ZFAND1: variants seen among roughly 807,000 people sequenced by gnomAD.
The protein encoded by ZFAND1 is AN1-type zinc finger protein 1.
A neutral mutation model predicts 38.5 loss-of-function variants in ZFAND1; 40 were observed. The ratio of observed to expected loss-of-function variants is 1.04; its 90% confidence interval spans 0.81 to 1.35. The LOEUF (loss-of-function observed/expected upper bound fraction) is 1.35, where lower values mean the gene tolerates loss of function less well. Ranked by LOEUF, ZFAND1 falls within the 40% of genes most tolerant of loss-of-function variation. ZFAND1 has a pLI of 0.00. For missense variants in ZFAND1, 346 were observed against 316.3 expected (o/e 1.09, Z -0.71); for synonymous variants, 117 against 103.6 (o/e 1.13, Z -0.78).
intron 3 of ZFAND1, 41 bp from the exon 4 acceptor site, chr8:81,715,155 C>T: frequency 6.2e-7 from 1 of 1,603,234 alleles, no homozygotes; most frequent in South Asian, 1.1e-5. Flanking sequence ...CATTTCAGAC[C>T]TAAAACAAAT....
chr8:81,715,791 C>A (rs901638564), intron 3 of ZFAND1, among the ~76,000 whole-genome samples: 1 of 152,046 alleles, frequency 6.6e-6, no homozygotes, highest in Admixed American at 6.5e-5. Context: ...ATAGTTACAC[C>A]TTGTTGGAAT....
At chr8:81,717,660 C>T (rs1422478741) in intron 2 of ZFAND1, among the ~76,000 whole-genome samples, 1 of 152,060 alleles carries the variant, frequency 6.6e-6, no homozygotes, top group Non-Finnish European at 1.5e-5. Flanking sequence ...TTACTTCCAA[C>T]AAATCATTCT....
intron 6 of ZFAND1, among the ~76,000 whole-genome samples, chr8:81,706,869 T>C (rs891412565): frequency 6.6e-6 from 1 of 152,122 alleles, no homozygotes; most frequent in African/African-American, 2.4e-5. Context: ...GGGGAAAATA[T>C]TCTGTTCTCA....
intron 6 of ZFAND1, chr8:81,708,819 A>G: frequency 7.9e-7 from 1 of 1,264,222 alleles, no homozygotes; most frequent in Non-Finnish European, 1.0e-6. Context: ...ACTTCACTCC[A>G]GATTACTCAT....
In ZFAND1 at chr8:81,721,220, G is replaced by A. The variant is rs1436752358; in HGVS notation, c.55+7C>T. 3.2e-6 allele frequency: 5 copies of A among 1,547,850 alleles called. No homozygotes were observed. In the Admixed American group the frequency reaches 7.8e-5, roughly 24 times the overall value. ...CCGGGGATGGGGGCTGGAAGCTCCC[G>A]GATCACCTCGCTGCCGGCAATGCTC... On this transcript the variant is annotated splice_region_variant and intron_variant, in intron 1 of 7. Coordinates refer to ENST00000220669, the MANE Select transcript of ZFAND1 (RefSeq NM_024699.3).
rs527473734 is a variant in ZFAND1 at position 81,719,175 on chromosome 8, A to G, written c.56-951T>C. 4.6e-5 allele frequency among the ~76,000 whole-genome samples: 7 copies of G among 152,244 alleles called. No individual in the cohort carries two copies. In the South Asian group the frequency reaches 1.5e-3, roughly 32 times the overall value. On this transcript the variant is annotated intron_variant, in intron 1 of 7. Coordinates refer to ENST00000220669, the MANE Select transcript of ZFAND1 (RefSeq NM_024699.3). ...CTTTTGAGTATACTCAACTCAGAAC[A>G]GTACTGCAAGGGGCCAGGCACAGTG...
intron 6 of ZFAND1, among the ~76,000 whole-genome samples, chr8:81,712,095 G>A (rs921480708): frequency 4.6e-5 from 7 of 151,876 alleles, no homozygotes; most frequent in Admixed American, 1.3e-4. Context: ...ATGATCTAAC[G>A]ACAGAAAAAC....
chr8:81,703,161 A>G, intron 6 of ZFAND1, 37 bp from the exon 7 acceptor site: 1 of 1,395,166 alleles, frequency 7.2e-7, no homozygotes, highest in Non-Finnish European at 9.6e-7. Context: ...CATTACATAG[A>G]CAAAATAGAC....
At chr8:81,704,112 A>C (rs114203486) in intron 6 of ZFAND1, among the ~76,000 whole-genome samples, 86,193 of 151,550 alleles carry the variant, frequency 0.57, 24,994 homozygotes, top group Admixed American at 0.62. Context: ...AAAAACAAAA[A>C]AAAAAAAAGA....
intron 1 of ZFAND1, among the ~76,000 whole-genome samples, chr8:81,719,467 A>T (rs1167292534): frequency 6.6e-6 from 1 of 152,090 alleles, no homozygotes; most frequent in African/African-American, 2.4e-5. Flanking sequence ...AGATCGCGCC[A>T]CTGCACTCCA....
intron 6 of ZFAND1, among the ~76,000 whole-genome samples, chr8:81,703,724 C>T (rs1807881747): frequency 6.6e-6 from 1 of 152,028 alleles, no homozygotes; most frequent in Admixed American, 6.6e-5. Flanking sequence ...CACTCGGCCT[C>T]TCCTTATTTT....
chr8:81,704,206 A>T (rs1473616489), intron 6 of ZFAND1, among the ~76,000 whole-genome samples: 1 of 152,156 alleles, frequency 6.6e-6, no homozygotes, highest in Non-Finnish European at 1.5e-5. Flanking sequence ...TCTATATCTT[A>T]TCTGCCCTCT....
intron 6 of ZFAND1, among the ~76,000 whole-genome samples, chr8:81,706,294 C>T (rs1424404336): frequency 7.3e-6 from 1 of 137,794 alleles, no homozygotes; most frequent in African/African-American, 2.7e-5. Flanking sequence ...GAGTTTATTA[C>T]CAGAGACCTT....
chr8:81,709,902 G>A (rs1585923645), intron 6 of ZFAND1, among the ~76,000 whole-genome samples: 2 of 152,274 alleles, frequency 1.3e-5, no homozygotes, highest in East Asian at 3.9e-4. Context: ...CTTGTTGCAA[G>A]GATGAAATAT....
chr8:81,718,978 C>T (rs894454192), intron 1 of ZFAND1, among the ~76,000 whole-genome samples: 2 of 151,698 alleles, frequency 1.3e-5, no homozygotes, highest in African/African-American at 2.4e-5. Flanking sequence ...CAAGCACATC[C>T]TTTCTGTGTA....
In ZFAND1 at chr8:81,710,109, G is replaced by C. The variant is rs149732032; in HGVS notation, c.480+3809C>G. Among the ~76,000 whole-genome samples, 248 of 152,292 alleles carry C rather than the reference G, an allele frequency of 1.6e-3. 2 individuals carry two copies. Among genetic ancestry groups the C allele is most frequent in the African/African-American group, 5.7e-3 (237 of 41,562 alleles). On this transcript the variant is annotated intron_variant, in intron 6 of 7. Transcript: ENST00000220669. The stretch of plus-strand genomic sequence containing the variant: ...TCCTCTACAATGTAGGAATTTAACA[G>C]CATCTCTGGCCTCTACCAACTAAAT...
chr8:81,701,683 T>C lies in ZFAND1; in HGVS notation c.*1012A>G, dbSNP rs1807816443. 6.6e-6 allele frequency: 1 copy of C among 152,088 alleles called. No individual in the cohort carries two copies. Among genetic ancestry groups the C allele is most frequent in the Non-Finnish European group, 1.5e-5 (1 of 67,996 alleles). 9.4% of individuals were successfully genotyped at this position (152,088 alleles called of 1,614,324 possible). ...TTGGAAATTATCTCCATTCCTCACATAAAAATAATATGAAGAATTAGAAAG... is the reference window on the plus strand; with the variant it reads ...TTGGAAATTATCTCCATTCCTCACACAAAAATAATATGAAGAATTAGAAAG... On this transcript the variant is annotated 3_prime_UTR_variant, in exon 8 of 8. Coordinates refer to ENST00000220669, the MANE Select transcript of ZFAND1 (RefSeq NM_024699.3).
chr8:81,714,558 T>C, intron 5 of ZFAND1: 2 of 430,934 alleles, frequency 4.6e-6, no homozygotes, highest in South Asian at 2.5e-5. Context: ...AATGGTTAAC[T>C]AGCTAATCTA....
Position 81,715,185 on chromosome 8 carries a change from A to C in ZFAND1, c.139-71T>G, listed in dbSNP as rs1585928038. On this transcript the variant is annotated intron_variant, in intron 3 of 7. Coordinates refer to ENST00000220669, the MANE Select transcript of ZFAND1 (RefSeq NM_024699.3). ...ACAAATCAATGTGTCTTATTCTAGAAGGCAGTATTCATTTTATTTTTGCTT... is the reference window on the plus strand; with the variant it reads ...ACAAATCAATGTGTCTTATTCTAGACGGCAGTATTCATTTTATTTTTGCTT... 2.0e-6 allele frequency: 3 copies of C among 1,535,144 alleles called. No individual in the cohort carries two copies. The East Asian group carries it at 6.8e-5, about 35-fold the overall frequency.
Sources: allele counts gnomAD v4.1 joint callset (sites outside exome capture counted in the v4.1 genomes callset), GRCh38; gene constraint gnomAD v4.1.1; transcripts MANE v1.5; gene names NCBI Gene and HGNC (gene_info 2026-07-23, HGNC 2026-07-21).